TRAPPC9: variants seen among roughly 807,000 people sequenced by gnomAD.
TRAPPC9 encodes the protein IKK2 binding protein.
In TRAPPC9, 83 loss-of-function variants were observed where a neutral mutation model predicts 124.0. That is an observed-to-expected ratio of 0.67 (90% confidence interval 0.56 to 0.80). The LOEUF (loss-of-function observed/expected upper bound fraction) is 0.80, where lower values mean the gene tolerates loss of function less well. TRAPPC9 is among the 30% of genes least tolerant of loss of function. The pLI, the probability that TRAPPC9 is intolerant of heterozygous loss-of-function variation, is 0.00. For synonymous variants in TRAPPC9, 638 were observed against 617.5 expected (o/e 1.03, Z -0.49); for missense variants, 1,302 against 1,508.3 (o/e 0.86, Z 2.27).
intron 9 of TRAPPC9, among the ~76,000 whole-genome samples, chr8:140,320,496 A>G (rs1335067379): frequency 6.6e-6 from 1 of 152,170 alleles, no homozygotes; most frequent in Admixed American, 6.5e-5. Context: ...GGCCACGCCA[A>G]ACGTCCAGCA....
intron 17 of TRAPPC9, among the ~76,000 whole-genome samples, chr8:140,101,052 A>G (rs775783112): frequency 6.6e-5 from 10 of 152,232 alleles, no homozygotes; most frequent in Non-Finnish European, 1.5e-4. Flanking sequence ...ATAGAGTGCT[A>G]TTTGAACCAT....
At chr8:139,804,463 ACTC>A (rs1378496194) in intron 21 of TRAPPC9, among the ~76,000 whole-genome samples, 1 of 120,330 alleles carries the variant, frequency 8.3e-6, no homozygotes, top group Non-Finnish European at 1.7e-5. Flanking sequence ...CACCACCACC[ACTC>A]ACCACCACCA....
chr8:140,393,297 G>A (rs888246541), intron 7 of TRAPPC9, among the ~76,000 whole-genome samples: 8 of 151,954 alleles, frequency 5.3e-5, no homozygotes, highest in African/African-American at 1.7e-4. Flanking sequence ...ATTCCAGGTC[G>A]CACAGTGAGG....
intron 9 of TRAPPC9, among the ~76,000 whole-genome samples, chr8:140,351,450 T>C (rs1291459204): frequency 6.6e-6 from 1 of 151,916 alleles, no homozygotes; most frequent in Non-Finnish European, 1.5e-5. Flanking sequence ...GTATGAAGTG[T>C]TACAAGTAAT....
intron 7 of TRAPPC9, among the ~76,000 whole-genome samples, chr8:140,385,049 C>T (rs2068716077): frequency 6.6e-6 from 1 of 152,196 alleles, no homozygotes; most frequent in Admixed American, 6.5e-5. Flanking sequence ...GGAAACTGAA[C>T]AACCTGCTCC....
chr8:139,903,096 G>A (rs960413697), intron 20 of TRAPPC9, among the ~76,000 whole-genome samples: 6 of 152,178 alleles, frequency 3.9e-5, no homozygotes, highest in African/African-American at 9.7e-5. Flanking sequence ...CCCTGTGCCC[G>A]GGAAGGCAGC....
At chr8:140,363,032 A>G (rs2068003655) in intron 8 of TRAPPC9, among the ~76,000 whole-genome samples, 1 of 152,270 alleles carries the variant, frequency 6.6e-6, no homozygotes, top group Non-Finnish European at 1.5e-5. Context: ...CATATGACCC[A>G]GTGATAAAAT....
At chr8:140,184,668 C>T (rs965677609) in intron 17 of TRAPPC9, among the ~76,000 whole-genome samples, 3 of 152,118 alleles carry the variant, frequency 2.0e-5, no homozygotes, top group African/African-American at 7.2e-5. Flanking sequence ...AGGCTGGCCT[C>T]GACCTCCTGA....
At chr8:139,952,416 C>A (rs1299436367) in intron 19 of TRAPPC9, among the ~76,000 whole-genome samples, 3 of 152,146 alleles carry the variant, frequency 2.0e-5, no homozygotes, top group Admixed American at 1.3e-4. Context: ...CTGTGTGACT[C>A]CAGGCGTGGT....
At chr8:139,739,585 C>T (rs1415349029) in intron 21 of TRAPPC9, among the ~76,000 whole-genome samples, 1 of 152,208 alleles carries the variant, frequency 6.6e-6, no homozygotes, top group East Asian at 1.9e-4. Flanking sequence ...CTGCACCTGC[C>T]ATCCTGGCCT....
intron 21 of TRAPPC9, among the ~76,000 whole-genome samples, chr8:139,768,893 C>A (rs1273679035): frequency 3.3e-5 from 5 of 152,066 alleles, no homozygotes; most frequent in Non-Finnish European, 7.4e-5. Context: ...CCAAGATGGG[C>A]CCAATCCTCT....
At chr8:139,915,538 C>A (rs1832068413) in intron 19 of TRAPPC9, among the ~76,000 whole-genome samples, 1 of 152,204 alleles carries the variant, frequency 6.6e-6, no homozygotes, top group South Asian at 2.1e-4. Flanking sequence ...TGAGCCACCA[C>A]GCCAGCCTTG....
At chr8:139,954,876 C>T (rs1834876933) in intron 19 of TRAPPC9, among the ~76,000 whole-genome samples, 1 of 152,198 alleles carries the variant, frequency 6.6e-6, no homozygotes, top group African/African-American at 2.4e-5. Context: ...AAGGAGCCAG[C>T]TCTGCAGCTG....
intron 21 of TRAPPC9, among the ~76,000 whole-genome samples, chr8:139,832,724 G>A (rs556290914): frequency 1.3e-5 from 2 of 152,234 alleles, no homozygotes; most frequent in Admixed American, 1.3e-4. Flanking sequence ...GCCCAGAAGA[G>A]CCTCCTGCAG....
At chr8:139,735,262 T>C (rs558964305) in intron 21 of TRAPPC9, among the ~76,000 whole-genome samples, 1 of 152,320 alleles carries the variant, frequency 6.6e-6, no homozygotes, top group South Asian at 2.1e-4. Context: ...ATGCTAACAG[T>C]TGTGACAAGT....
intron 9 of TRAPPC9, among the ~76,000 whole-genome samples, chr8:140,352,095 C>T (rs1481104967): frequency 6.6e-6 from 1 of 152,062 alleles, no homozygotes; most frequent in East Asian, 1.9e-4. Context: ...TTGGTCATTT[C>T]AAATAATTGA....
chr8:140,326,656 A>T (rs1435707434), intron 9 of TRAPPC9, among the ~76,000 whole-genome samples: 1 of 152,214 alleles, frequency 6.6e-6, no homozygotes. Flanking sequence ...CAGAAGGATC[A>T]CTTGAGCTCA....
intron 21 of TRAPPC9, among the ~76,000 whole-genome samples, chr8:139,834,838 G>C (rs906812282): frequency 2.0e-5 from 3 of 152,216 alleles, no homozygotes; most frequent in African/African-American, 7.2e-5. Context: ...CCGCAGCTCA[G>C]AAAACAAGTC....
chr8:139,861,765 T>G (rs1356177596), intron 21 of TRAPPC9, among the ~76,000 whole-genome samples: 2 of 152,046 alleles, frequency 1.3e-5, no homozygotes, highest in Admixed American at 6.5e-5. Flanking sequence ...TCTCCAAGCC[T>G]TGGTCTCCAC....
Sources: allele counts gnomAD v4.1 joint callset (sites outside exome capture counted in the v4.1 genomes callset), GRCh38; gene constraint gnomAD v4.1.1; transcripts MANE v1.5; gene names NCBI Gene and HGNC (gene_info 2026-07-23, HGNC 2026-07-21).